The following MED12L variants were observed in gnomAD, a reference collection of about 807,000 sequenced individuals.
The protein encoded by MED12L is mediator of RNA polymerase II transcription subunit 12-like protein.
Under a neutral mutation model 281.3 loss-of-function variants are expected in MED12L, and 60 were observed. The ratio of observed to expected loss-of-function variants is 0.21; its 90% CI spans 0.17 to 0.26. The LOEUF is 0.26. Ranked by LOEUF, MED12L falls within the 10% of genes least tolerant of loss-of-function variation. The pLI is 1.00. For synonymous variants in MED12L, 974 were observed against 987.2 expected, an observed-to-expected ratio of 0.99 and a Z score of 0.25; for missense variants, 2,146 against 2,680.9, an observed-to-expected ratio of 0.80 and a Z score of 4.41.
At chr3:151,294,392 T>C (rs986712158) in intron 16 of MED12L, 2 of 1,614,126 alleles carry the variant, frequency 1.2e-6, no homozygotes, top group Non-Finnish European at 1.7e-6. Context: ...TGCAGATTCA[T>C]CTAAAAGCCT....
intron 16 of MED12L, chr3:151,338,307 G>A (rs754485666): frequency 6.2e-7 from 1 of 1,614,090 alleles, no homozygotes; most frequent in Non-Finnish European, 8.5e-7. Flanking sequence ...ACCGAACTCT[G>A]ATTTAAGGAA....
intron 16 of MED12L, among the ~76,000 whole-genome samples, chr3:151,226,925 G>A (rs1181349045): frequency 6.6e-6 from 1 of 152,188 alleles, no homozygotes; most frequent in East Asian, 1.9e-4. Context: ...AAACTCTTCT[G>A]CAGGGAGAAA....
intron 5 of MED12L, among the ~76,000 whole-genome samples, chr3:151,148,921 C>T (rs1718095845): frequency 6.6e-6 from 1 of 152,134 alleles, no homozygotes; most frequent in Non-Finnish European, 1.5e-5. Context: ...TTAACAGGTG[C>T]TTCTATTTAG....
At chr3:151,413,005 A>T in intron 41 of MED12L, 134 bp from the exon 42 acceptor site, 1 of 943,490 alleles carries the variant, frequency 1.1e-6, no homozygotes, top group Non-Finnish European at 1.5e-6. Flanking sequence ...ACTGGGCTTT[A>T]GTCTATTTGA....
At chr3:151,251,594 A>G (rs941223665) in intron 16 of MED12L, among the ~76,000 whole-genome samples, 5 of 152,180 alleles carry the variant, frequency 3.3e-5, no homozygotes, top group Admixed American at 6.5e-5. Context: ...TGTTTAATTC[A>G]GTAGAGTGCT....
At chr3:151,194,027 A>G (rs1342414133) in intron 16 of MED12L, among the ~76,000 whole-genome samples, 1 of 139,038 alleles carries the variant, frequency 7.2e-6, no homozygotes, top group Non-Finnish European at 1.5e-5. Context: ...GTACAGTGGC[A>G]CGATCTTGAC....
chr3:151,432,875 G>C lies in MED12L; in HGVS notation c.*71G>C, dbSNP rs925681965. On this transcript the variant is annotated 3_prime_UTR_variant, in exon 45 of 45. Transcript: ENST00000687756. The stretch of plus-strand genomic sequence containing the variant: ...ACAGAAAATCAAATTTAATGCATTA[G>C]TCATCTTAAAAATGTCCCTTTTTTT... The C allele has an allele frequency of 4.3e-6, 5 of 1,156,814 alleles. No individual in the cohort carries two copies. In the African/African-American group the frequency reaches 7.7e-5, roughly 18 times the overall value. 71.7% of individuals were successfully genotyped at this position (1,156,814 alleles called of 1,614,324 possible).
intron 16 of MED12L, among the ~76,000 whole-genome samples, chr3:151,271,192 T>TA (rs538641565): frequency 2.0e-5 from 3 of 151,920 alleles, no homozygotes; most frequent in African/African-American, 7.3e-5. Flanking sequence ...CTCAGTTTCT[T>TA]AAAAAAAATG....
In MED12L at chr3:151,418,159, T is replaced by C. The variant is rs572973843; in HGVS notation, c.6408+1737T>C. Among the ~76,000 whole-genome samples, 2 of 152,352 alleles carry C rather than the reference T, an allele frequency of 1.3e-5. 1 individual carries two copies. Among genetic ancestry groups the C allele is most frequent in the African/African-American group, 4.8e-5 (2 of 41,590 alleles). On this transcript the variant is annotated intron_variant, in intron 43 of 44. Transcript: ENST00000687756. ...ACATTTTGTCACATTTGCTTTATTA[T>C]TCTCTCTTTCACTCCCCCCACCTAC...
At chr3:151,129,393 A>G (rs1715022724) in intron 5 of MED12L, among the ~76,000 whole-genome samples, 1 of 152,230 alleles carries the variant, frequency 6.6e-6, no homozygotes, top group Admixed American at 6.5e-5. Flanking sequence ...CCCAGGAAAA[A>G]ATACTAGAAG....
chr3:151,325,218 T>C (rs1240313079), intron 16 of MED12L, among the ~76,000 whole-genome samples: 1 of 152,218 alleles, frequency 6.6e-6, no homozygotes, highest in Non-Finnish European at 1.5e-5. Flanking sequence ...CTCTGCCTCA[T>C]CCTTTCCACT....
At chr3:151,271,520 G>A (rs1321420084) in intron 16 of MED12L, among the ~76,000 whole-genome samples, 1 of 152,176 alleles carries the variant, frequency 6.6e-6, no homozygotes, top group Non-Finnish European at 1.5e-5. Flanking sequence ...CAGGAGAAGT[G>A]AAAGTGTATG....
intron 16 of MED12L, among the ~76,000 whole-genome samples, chr3:151,205,457 A>T (rs1364786045): frequency 6.6e-6 from 1 of 152,232 alleles, no homozygotes; most frequent in African/African-American, 2.4e-5. Context: ...TTTATTGAAC[A>T]CAAATACCAA....
At chr3:151,163,036 C>G (rs980744160) in intron 8 of MED12L, among the ~76,000 whole-genome samples, 1 of 152,144 alleles carries the variant, frequency 6.6e-6, no homozygotes, top group Non-Finnish European at 1.5e-5. Context: ...AATGTTTAAT[C>G]TATGTTTAGG....
intron 16 of MED12L, among the ~76,000 whole-genome samples, chr3:151,260,870 G>A (rs1011591965): frequency 1.6e-4 from 24 of 152,160 alleles, no homozygotes; most frequent in Non-Finnish European, 2.6e-4. Context: ...AAGCTGAGAC[G>A]TTTCCAGTAA....
At chr3:151,288,593 A>G (rs543226658) in intron 16 of MED12L, among the ~76,000 whole-genome samples, 3 of 152,262 alleles carry the variant, frequency 2.0e-5, no homozygotes, top group African/African-American at 2.4e-5. Context: ...CATTATTTCA[A>G]ATAGTTCTGC....
chr3:151,151,672 C>G (rs1458271588), intron 5 of MED12L, among the ~76,000 whole-genome samples: 3 of 152,086 alleles, frequency 2.0e-5, no homozygotes, highest in Non-Finnish European at 2.9e-5. Flanking sequence ...ATTAAGTTGG[C>G]TGTCTTATAT....
chr3:151,332,914 A>C (rs969329880), intron 16 of MED12L, among the ~76,000 whole-genome samples: 5 of 152,090 alleles, frequency 3.3e-5, no homozygotes, highest in African/African-American at 1.2e-4. Flanking sequence ...CCCTCAATGT[A>C]GGCCCTGGTG....
At chr3:151,378,776 T>A (rs1161988636) in intron 31 of MED12L, among the ~76,000 whole-genome samples, 2 of 152,106 alleles carry the variant, frequency 1.3e-5, no homozygotes, top group Non-Finnish European at 2.9e-5. Flanking sequence ...AGGAAAAAAA[T>A]TGATAATTTC....
Sources: gnomAD v4.1 joint callset for allele counts (sites outside exome capture counted in the v4.1 genomes callset) on GRCh38, gnomAD v4.1.1 for gene constraint, MANE v1.5 for transcripts, NCBI Gene and HGNC (gene_info 2026-07-23, HGNC 2026-07-21) for gene names.